Variants in SLC28A1 observed in about 807,000 individuals in gnomAD.
The protein encoded by SLC28A1 is sodium/nucleoside cotransporter 1.
In SLC28A1, 64 loss-of-function variants were observed where a neutral mutation model predicts 74.8. That is an observed-to-expected ratio of 0.86 (90% CI 0.70 to 1.05). SLC28A1 has a LOEUF of 1.05. Ranked by LOEUF, SLC28A1 falls within the 50% of genes least tolerant of loss-of-function variation. The pLI, the probability that SLC28A1 is intolerant of heterozygous loss-of-function variation, is 0.00. For missense variants in SLC28A1, 828 were observed against 822.8 expected (o/e 1.01, Z -0.08); for synonymous variants, 359 against 335.0 (o/e 1.07, Z -0.78).
chr15:84,965,689 G>T, the SLC28A1 span, among the ~76,000 whole-genome samples: 9 of 152,132 alleles, frequency 5.9e-5, no homozygotes, highest in African/African-American at 1.7e-4. Flanking sequence ...GTCCTGGTTT[G>T]CCTGAGACTT....
At position 84,945,529 on chromosome 15, in the gene SLC28A1, C is replaced by T; in HGVS notation, c.*329C>T. ...CTCTCTATCCCCCCTCTCCTGGGGT[C>T]CCTCACATGCCCCTTCCCTTCTGTT... On this transcript the variant is annotated 3_prime_UTR_variant, in exon 19 of 19. Coordinates refer to ENST00000394573, the MANE Select transcript of SLC28A1 (RefSeq NM_004213.5). The T allele has an allele frequency of 2.6e-6, 1 of 383,450 alleles. No individual in the cohort carries two copies. 23.8% of individuals were successfully genotyped at this position (383,450 alleles called of 1,614,324 possible). A position where few individuals can be genotyped will look rare whatever the true frequency, so the allele number is the denominator to read the frequency against.
At chr15:84,888,169 G>A (rs1196391871) in intron 3 of SLC28A1, among the ~76,000 whole-genome samples, 1 of 152,132 alleles carries the variant, frequency 6.6e-6, no homozygotes, top group East Asian at 1.9e-4. Flanking sequence ...CCTACAGAAT[G>A]AGAATCAAAA....
At chr15:84,956,476 T>TTTCC in the SLC28A1 span, among the ~76,000 whole-genome samples, 387 of 119,922 alleles carry the variant, frequency 3.2e-3, 2 homozygotes, top group South Asian at 8.3e-3. Flanking sequence ...TCCTTCTTTC[T>TTTCC]TTCTTTCTTT....
chr15:84,935,425 C>G lies in SLC28A1; in HGVS notation c.1488C>G (p.Asn496Lys). 1 of 1,614,184 alleles carries G rather than the reference C, an allele frequency of 6.2e-7. No individual in the cohort carries two copies. Among genetic ancestry groups the G allele is most frequent in the Non-Finnish European group, 8.5e-7 (1 of 1,180,012 alleles). The change falls in exon 15 of 19, where the codon AAC becomes AAG. Residue 496 changes from asparagine (N) to lysine (K), a missense_variant. Around this residue, in one of 3 missense-constraint regions of SLC28A1, gnomAD observed 767 missense variants for 753.5 expected, o/e 1.02. Coordinates refer to ENST00000394573, the MANE Select transcript of SLC28A1 (RefSeq NM_004213.5). ...TGCTGGGGATCAAGCTGTTTCTGAA[C>G]GAGTTTGTGGCCTATCAAGACCTCT... Reference protein sequence around the residue: ...AELLGIKLFLNEFVAYQDLSK... With the variant: ...AELLGIKLFLKEFVAYQDLSK...
At chr15:84,888,684 G>C (rs990603225) in intron 3 of SLC28A1, 88 bp from the exon 4 acceptor site, 3 of 849,458 alleles carry the variant, frequency 3.5e-6, no homozygotes, top group South Asian at 2.9e-5. Flanking sequence ...CCTCAGCCAG[G>C]GTCTCACCGT....
intron 5 of SLC28A1, among the ~76,000 whole-genome samples, chr15:84,892,099 G>A (rs898232387): frequency 2.4e-4 from 36 of 152,248 alleles, no homozygotes; most frequent in Admixed American, 1.6e-3. Flanking sequence ...CACTTTGGGA[G>A]GATGTAGTGG....
chr15:84,950,927 C>T, the SLC28A1 span, among the ~76,000 whole-genome samples: 1 of 152,180 alleles, frequency 6.6e-6, no homozygotes, highest in African/African-American at 2.4e-5. Flanking sequence ...TAGTTGAAAG[C>T]AGCCATAGAC....
intron 9 of SLC28A1, among the ~76,000 whole-genome samples, chr15:84,912,805 C>CGCGT (rs1555449123): frequency 1.3e-4 from 9 of 71,598 alleles, no homozygotes; most frequent in African/African-American, 2.6e-4. Flanking sequence ...TTTGCGCGCG[C>CGCGT]GCACACACAC....
chr15:84,952,941 G>A, the SLC28A1 span, among the ~76,000 whole-genome samples: 1 of 152,162 alleles, frequency 6.6e-6, no homozygotes, highest in South Asian at 2.1e-4. Flanking sequence ...ACAAAAGATT[G>A]CTTTTATCCC....
intron 7 of SLC28A1, 86 bp from the exon 8 acceptor site, chr15:84,905,453 G>A: frequency 1.1e-6 from 1 of 899,474 alleles, no homozygotes; most frequent in Non-Finnish European, 1.9e-6. Flanking sequence ...TCTGGGCAGG[G>A]CAATGCCCCC....
intron 1 of SLC28A1, among the ~76,000 whole-genome samples, chr15:84,884,996 T>C (rs1184087249): frequency 6.6e-6 from 1 of 152,230 alleles, no homozygotes; most frequent in Non-Finnish European, 1.5e-5. Context: ...TCTCGCTCTG[T>C]TGCCGAGGCT....
chr15:84,928,875 G>A (rs1234639092), intron 12 of SLC28A1, among the ~76,000 whole-genome samples: 2 of 151,494 alleles, frequency 1.3e-5, no homozygotes, highest in Non-Finnish European at 2.9e-5. Context: ...CACCCGCCTC[G>A]GCCTCCCAAA....
At position 84,892,934 on chromosome 15, in the gene SLC28A1, C is replaced by T. The variant is rs943788081; in HGVS notation, c.278-2006C>T. On this transcript the variant is annotated intron_variant, in intron 5 of 18. Transcript: ENST00000394573. ...CAAGGAGCTTAGCTCAGGTCCTGCC[C>T]GTCCCCAAACCAATCCCTGTGAATG... Among the ~76,000 whole-genome samples the T allele has an allele frequency of 3.9e-5, 6 of 152,256 alleles. No individual in the cohort carries two copies. The East Asian group carries it at 9.7e-4, about 24-fold the overall frequency.
At chr15:84,926,640 C>A (rs910794431) in intron 12 of SLC28A1, 14 of 436,266 alleles carry the variant, frequency 3.2e-5, no homozygotes, top group Non-Finnish European at 6.0e-5. Flanking sequence ...AAATGCCCAG[C>A]AGTACAGTCA....
intron 6 of SLC28A1, among the ~76,000 whole-genome samples, chr15:84,903,594 C>T (rs958662453): frequency 3.9e-5 from 6 of 152,106 alleles, no homozygotes; most frequent in East Asian, 1.9e-4. Context: ...AGGTAGGATC[C>T]GTTCCTTGGT....
intron 9 of SLC28A1, among the ~76,000 whole-genome samples, chr15:84,911,858 C>CAAAAAAAAA (rs57067372): frequency 1.7e-5 from 2 of 114,706 alleles, no homozygotes; most frequent in African/African-American, 3.5e-5. Flanking sequence ...GACTCCATCT[C>CAAAAAAAAA]AAAAAAAAAA....
intron 12 of SLC28A1, 120 bp downstream of exon 12, chr15:84,924,230 T>A: frequency 3.2e-6 from 4 of 1,238,912 alleles, no homozygotes; most frequent in Non-Finnish European, 4.7e-6. Flanking sequence ...CCTGCTGTGC[T>A]GGCAAGAGGA....
downstream of SLC28A1, among the ~76,000 whole-genome samples, chr15:84,947,539 C>T (rs373270616): frequency 1.3e-5 from 2 of 152,328 alleles, no homozygotes; most frequent in African/African-American, 4.8e-5. Flanking sequence ...AACAAAATAC[C>T]ATAAATGGGA....
At chr15:84,914,255 C>G (rs4318180) in intron 9 of SLC28A1, among the ~76,000 whole-genome samples, 137,105 of 152,246 alleles carry the variant, frequency 0.9, 62,388 homozygotes, top group South Asian at 0.97. Context: ...TCTTTTACAA[C>G]GGCACTAATC....
Sources: gnomAD v4.1 joint callset for allele counts (sites outside exome capture counted in the v4.1 genomes callset) on GRCh38, gnomAD v4.1.1 for gene constraint, gnomAD v4.1.1 regional missense constraint, MANE v1.5 for transcripts, NCBI Gene and HGNC (gene_info 2026-07-23, HGNC 2026-07-21) for gene names.